EFCC1: variants seen among roughly 807,000 people sequenced by gnomAD.
EFCC1 encodes the protein EF-hand and coiled-coil domain-containing protein 1.
In EFCC1, 50 loss-of-function variants were observed where a neutral mutation model predicts 52.1. That is an observed-to-expected ratio of 0.96 (90% CI 0.76 to 1.21). EFCC1 has a LOEUF of 1.21. EFCC1 is among the 50% of genes most tolerant of loss of function. The pLI is 0.00. For missense variants in EFCC1, 837 were observed against 867.3 expected (o/e 0.97, Z 0.44); for synonymous variants, 399 against 396.5 (o/e 1.01, Z -0.08).
chr3:129,033,879 C>T (rs758583787), intron 4 of EFCC1, among the ~76,000 whole-genome samples: 1 of 152,204 alleles, frequency 6.6e-6, no homozygotes, highest in Non-Finnish European at 1.5e-5. Context: ...GTGCAGAGGC[C>T]CTGAGGCATG....
At chr3:129,029,532 G>C (rs938025060) in intron 2 of EFCC1, among the ~76,000 whole-genome samples, 2 of 151,644 alleles carry the variant, frequency 1.3e-5, no homozygotes, top group Non-Finnish European at 2.9e-5. Context: ...AAGACCAGGA[G>C]TTTGAGAACA....
intron 2 of EFCC1, among the ~76,000 whole-genome samples, chr3:129,012,880 G>A (rs1178018130): frequency 6.6e-6 from 1 of 152,228 alleles, no homozygotes; most frequent in African/African-American, 2.4e-5. Context: ...CGGGCATTGG[G>A]CATTTTTTTA....
rs1946406347 is a variant in EFCC1 at position 129,040,217 on chromosome 3, A to G, written c.*369A>G. The stretch of plus-strand genomic sequence containing the variant: ...CAAATCTCTTCCCCAGAGTTTCAGG[A>G]TCTCCTCCCCTCCCAGCACTGTCTC... On this transcript the variant is annotated 3_prime_UTR_variant, in exon 8 of 8. Coordinates refer to ENST00000683648, the MANE Select transcript of EFCC1 (RefSeq NM_001377500.1). The surrounding 1 kb of genome is among the most constrained non-coding windows in gnomAD (Gnocchi z 4.4). 9.2e-6 allele frequency: 2 copies of G among 217,470 alleles called. No individual in the cohort carries two copies. The highest frequency in any genetic ancestry group is 2.3e-5 in the African/African-American group (1 of 43,976). 13.5% of individuals were successfully genotyped at this position (217,470 alleles called of 1,614,324 possible).
intron 2 of EFCC1, among the ~76,000 whole-genome samples, chr3:129,028,888 G>A (rs906615629): frequency 5.3e-5 from 8 of 152,208 alleles, no homozygotes; most frequent in South Asian, 2.1e-4. Context: ...TGATCCACCC[G>A]CCTTGGCCTC....
At position 129,037,042 on chromosome 3, in the gene EFCC1, C is replaced by G. The variant is rs780994479; in HGVS notation, c.1518C>G (p.Thr506=). ...HLRLELQMVE[T]ERVRLSLLEE... Reference sequence around the variant, plus strand: ...GGCTGGAGCTGCAGATGGTAGAGACCGAGAGGGTGCGGCTGTCCCTGCTGG... The same window carrying G: ...GGCTGGAGCTGCAGATGGTAGAGACGGAGAGGGTGCGGCTGTCCCTGCTGG... The change falls in exon 6 of 8, where the codon ACC becomes ACG. Residue 506 remains threonine, a synonymous_variant. Coordinates refer to ENST00000683648, the MANE Select transcript of EFCC1 (RefSeq NM_001377500.1). The G allele has an allele frequency of 6.2e-7, 1 of 1,613,612 alleles. No individual in the cohort carries two copies. Among genetic ancestry groups the G allele is most frequent in the Admixed American group, 1.7e-5 (1 of 59,974 alleles).
chr3:129,008,259 C>T (rs1437708737), intron 2 of EFCC1, among the ~76,000 whole-genome samples: 1 of 152,272 alleles, frequency 6.6e-6, no homozygotes, highest in African/African-American at 2.4e-5. Flanking sequence ...ACAGCCCTTG[C>T]TGGCCCCTGG....
chr3:129,013,739 C>T (rs761326143), intron 2 of EFCC1, among the ~76,000 whole-genome samples: 102 of 152,354 alleles, frequency 6.7e-4, no homozygotes, highest in Non-Finnish European at 1.2e-3. Flanking sequence ...ATTAGCTAGA[C>T]CTGGCTAAAA....
intron 2 of EFCC1, among the ~76,000 whole-genome samples, chr3:129,005,145 G>A (rs891349749): frequency 7.9e-5 from 12 of 152,190 alleles, no homozygotes; most frequent in Non-Finnish European, 1.8e-4. Flanking sequence ...ATGTGACCAC[G>A]TGACTAGGAC....
In EFCC1 at chr3:129,039,560, G is replaced by C. The variant is rs1576788449; in HGVS notation, c.1664-152G>C. On this transcript the variant is annotated intron_variant, in intron 7 of 7. Coordinates refer to ENST00000683648, the MANE Select transcript of EFCC1 (RefSeq NM_001377500.1). The stretch of plus-strand genomic sequence containing the variant: ...CAAGTCCCCTCTCCAGGGTCCTCAG[G>C]GGGAGGTGGTCCACAGAGCGAGGAA... 3.3e-6 allele frequency: 4 copies of C among 1,206,776 alleles called. 1 individual carries two copies. The highest frequency in any genetic ancestry group is 4.6e-6 in the Non-Finnish European group (4 of 874,880). The allele number at this position is 1,206,776 out of a possible 1,614,324, so 74.8% of individuals were successfully genotyped here.
intron 2 of EFCC1, among the ~76,000 whole-genome samples, chr3:129,027,130 A>C (rs1559971867): frequency 6.6e-6 from 1 of 152,136 alleles, no homozygotes; most frequent in African/African-American, 2.4e-5. Flanking sequence ...CAGTCAGCGA[A>C]ACGCCGGAAA....
chr3:129,033,116 G>C (rs975236526), intron 4 of EFCC1, 150 bp downstream of exon 4: 2 of 1,221,886 alleles, frequency 1.6e-6, no homozygotes. Flanking sequence ...GGGGGAGGTG[G>C]GAAGGCCCAC....
At position 129,001,709 on chromosome 3, in the gene EFCC1, G is replaced by A. The variant is rs1553765132; in HGVS notation, c.81G>A (p.Thr27=). The change falls in exon 1 of 8, where the codon ACG becomes ACA. Residue 27 remains threonine (T), a synonymous_variant. Coordinates refer to ENST00000683648, the MANE Select transcript of EFCC1 (RefSeq NM_001377500.1). ...GDPYRRPARR[T]QWLLSALAHH... is the part of the protein sequence containing the mutation. ...CGTACCGGCGACCTGCGCGGCGCAC[G>A]CAGTGGCTGCTGAGCGCCCTGGCGC... 4.6e-6 allele frequency: 7 copies of A among 1,508,208 alleles called. No homozygotes were observed. The African/African-American group carries it at 5.8e-5, about 12-fold the overall frequency. 93.4% of individuals were successfully genotyped at this position (1,508,208 alleles called of 1,614,324 possible). A position where few individuals can be genotyped will look rare whatever the true frequency, so the allele number is the denominator to read the frequency against.
intron 2 of EFCC1, among the ~76,000 whole-genome samples, chr3:129,015,479 A>G (rs1000952694): frequency 2.0e-5 from 3 of 152,132 alleles, no homozygotes; most frequent in South Asian, 4.1e-4. Context: ...TGCTAAGGAC[A>G]GTGGCTGGCT....
At chr3:129,033,104 C>T in intron 4 of EFCC1, 138 bp downstream of exon 4, 2 of 1,305,532 alleles carry the variant, frequency 1.5e-6, no homozygotes, top group Non-Finnish European at 1.0e-6. Context: ...CCTTGTCCCT[C>T]AGGGGGAGGT....
intron 2 of EFCC1, among the ~76,000 whole-genome samples, chr3:129,008,843 C>T (rs1434202133): frequency 6.6e-6 from 1 of 152,220 alleles, no homozygotes; most frequent in Non-Finnish European, 1.5e-5. Flanking sequence ...GGCTCCTGGT[C>T]CCCTCGCAGC....
rs1944814230 is a variant in EFCC1 at position 129,002,192 on chromosome 3, G to T, written c.564G>T (p.Ala188=). The T allele has an allele frequency of 3.3e-6, 5 of 1,505,518 alleles. No individual in the cohort carries two copies. Among genetic ancestry groups the T allele is most frequent in the African/African-American group, 2.9e-5 (2 of 68,736 alleles). The allele number at this position is 1,505,518 out of a possible 1,614,324, so 93.3% of individuals were successfully genotyped here. Residue 188 remains alanine, a synonymous_variant, in exon 1 of 8, where the codon GCG becomes GCT. Coordinates refer to ENST00000683648, the MANE Select transcript of EFCC1 (RefSeq NM_001377500.1). The part of the protein sequence containing the change: ...RPRRRRRPPC[A]PGPDSGPDCE... The stretch of plus-strand genomic sequence containing the variant: ...GCCGCCGCCGCCGCCCGCCCTGCGC[G>T]CCTGGCCCCGACAGCGGTCCTGACT...
intron 2 of EFCC1, among the ~76,000 whole-genome samples, chr3:129,024,540 GA>G (rs112647641): frequency 0.026 from 3,516 of 136,354 alleles, 96 homozygotes; most frequent in African/African-American, 0.073. Flanking sequence ...CAAAAAAAAA[GA>G]AAAAAAAAAA....
At chr3:129,024,675 A>G (rs1459898354) in intron 2 of EFCC1, among the ~76,000 whole-genome samples, 1 of 152,176 alleles carries the variant, frequency 6.6e-6, no homozygotes, top group Non-Finnish European at 1.5e-5. Flanking sequence ...CAAAAGAGGG[A>G]GAGAGGGAGA....
intron 2 of EFCC1, among the ~76,000 whole-genome samples, chr3:129,018,789 C>A (rs999545104): frequency 6.6e-6 from 1 of 152,186 alleles, no homozygotes; most frequent in Non-Finnish European, 1.5e-5. Flanking sequence ...TGTGTTCTTG[C>A]GAAGTGAGTC....
Sources: gnomAD v4.1 joint callset for allele counts (sites outside exome capture counted in the v4.1 genomes callset) on GRCh38, gnomAD v4.1.1 for gene constraint, Gnocchi (gnomAD v3.1) non-coding constraint, MANE v1.5 for transcripts, NCBI Gene and HGNC (gene_info 2026-07-23, HGNC 2026-07-21) for gene names.